The following TERT variants were observed in gnomAD, a reference collection of about 807,000 sequenced individuals.
TERT encodes the protein telomerase reverse transcriptase.
TERT carries 42 observed loss-of-function variants against 104.0 expected under a neutral mutation model. The ratio of observed to expected loss-of-function variants is 0.40; its 90% CI spans 0.32 to 0.52. The LOEUF (loss-of-function observed/expected upper bound fraction) is 0.52. Among genes scored for constraint, TERT ranks in the 20% least tolerant of loss-of-function variants. The pLI, the probability that TERT is intolerant of heterozygous loss-of-function variation, is 0.43. For synonymous variants in TERT, 781 were observed against 725.6 expected (o/e 1.08, Z -1.23); for missense variants, 1,101 against 1,610.3 (o/e 0.68, Z 5.41).
In TERT at chr5:1,268,464, G is replaced by A. The variant is rs1040679853; in HGVS notation, c.2582+56C>T. 1.0e-5 allele frequency: 13 copies of A among 1,284,960 alleles called. No homozygotes were observed. Among genetic ancestry groups the A allele is most frequent in the Non-Finnish European group, 1.3e-5 (12 of 889,782 alleles). The allele number at this position is 1,284,960 out of a possible 1,614,324, so 79.6% of individuals were successfully genotyped here. On this transcript the variant is annotated intron_variant, in intron 9 of 15. Transcript: ENST00000310581. This position sits in a 1 kb window ranked among gnomAD's most constrained non-coding sequence, Gnocchi z 5.5. ...AGCACCAGGAATATTAACACTGAAT[G>A]CATCAAAAGCAAATCAACCCCCACC...
chr5:1,264,321 G>A (rs1012754879), intron 11 of TERT, 83 bp downstream of exon 11: 14 of 1,441,914 alleles, frequency 9.7e-6, no homozygotes, highest in Middle Eastern at 2.2e-4. Flanking sequence ...TGCCCCACAC[G>A]GAAGCAGAGG....
In TERT at chr5:1,286,292, C is replaced by G. The variant is rs896718297; in HGVS notation, c.1574-3668G>C. On this transcript the variant is annotated intron_variant, in intron 2 of 15. Transcript: ENST00000310581. This position sits in a 1 kb window ranked among gnomAD's most constrained non-coding sequence, Gnocchi z 5.3. Reference sequence around the variant, plus strand: ...TAAAGCTGGGGTTTACCAGCAATAACAAGACAGAAGAACCACGCAAAGGAC... The same window carrying G: ...TAAAGCTGGGGTTTACCAGCAATAAGAAGACAGAAGAACCACGCAAAGGAC... Among the ~76,000 whole-genome samples, 1 of 152,198 alleles carries G rather than the reference C, an allele frequency of 6.6e-6. No homozygotes were observed. Among genetic ancestry groups the G allele is most frequent in the East Asian group, 1.9e-4 (1 of 5,200 alleles).
rs530721593 is a variant in TERT, at chr5:1,261,303, A to G, written c.2844-703T>C. ...AAACATTCTTCAAAAATTCTTTGAA[A>G]AATGTTTAATGGCAGAGCAAGTTTT... On this transcript the variant is annotated intron_variant, in intron 11 of 15. Transcript: ENST00000310581. This position sits in a 1 kb window ranked among gnomAD's most constrained non-coding sequence, Gnocchi z 7.4. Among the ~76,000 whole-genome samples the G allele has an allele frequency of 1.3e-5, 2 of 152,360 alleles. No homozygotes were observed. Among genetic ancestry groups the G allele is most frequent in the Admixed American group, 6.5e-5 (1 of 15,304 alleles).
In TERT at chr5:1,264,454, G is replaced by A. The variant is rs764925909; in HGVS notation, c.2793C>T (p.Cys931=). Residue 931 remains cysteine (C), a synonymous_variant, in exon 11 of 16, where the codon TGC becomes TGT. Coordinates refer to ENST00000310581, the MANE Select transcript of TERT (RefSeq NM_198253.3). ...QMPAHGLFPW[C]GLLLDTRTLE... ...GGGTCCGGGTATCCAGCAGCAGGCC[G>A]CACCAGGGGAATAGGCCGTGGGCCG... 34 of 1,613,588 alleles carry A rather than the reference G, an allele frequency of 2.1e-5. No individual in the cohort carries two copies. The highest frequency in any genetic ancestry group is 5.3e-5 in the African/African-American group (4 of 74,940).
chr5:1,261,427 C>T lies in TERT; in HGVS notation c.2844-827G>A, dbSNP rs1748219357. Among the ~76,000 whole-genome samples, 3 of 152,170 alleles carry T rather than the reference C, an allele frequency of 2.0e-5. No homozygotes were observed. The highest frequency in any genetic ancestry group is 2.4e-5 in the African/African-American group (1 of 41,444). ...AACACTGGAAATGGTAAATAAGACC[C>T]GTGATAATGTCTGGTCACTTCAGAA... On this transcript the variant is annotated intron_variant, in intron 11 of 15. Coordinates refer to ENST00000310581, the MANE Select transcript of TERT (RefSeq NM_198253.3). The surrounding 1 kb of genome is among the most constrained non-coding windows in gnomAD (Gnocchi z 7.4).
chr5:1,292,142 A>G lies in TERT; in HGVS notation c.1573+1171T>C, dbSNP rs1290208717. ...CCATAAAAAGAAAAAAAGAAAAAAA[A>G]GAGCCCCAAGAAGGTCACCCTCCTT... On this transcript the variant is annotated intron_variant, in intron 2 of 15. Coordinates refer to ENST00000310581, the MANE Select transcript of TERT (RefSeq NM_198253.3). This position sits in a 1 kb window ranked among gnomAD's most constrained non-coding sequence, Gnocchi z 5.5. Among the ~76,000 whole-genome samples the G allele has an allele frequency of 6.6e-6, 1 of 152,186 alleles. No individual in the cohort carries two copies. The highest frequency in any genetic ancestry group is 1.5e-5 in the Non-Finnish European group (1 of 68,026).
rs113055678 is a variant in TERT, at chr5:1,278,834, G to A, written c.2131-38C>T. On this transcript the variant is annotated intron_variant, in intron 5 of 15. Coordinates refer to ENST00000310581, the MANE Select transcript of TERT (RefSeq NM_198253.3). ...AGGCGAGGAGACTGACAGTGGCCAC[G>A]CAGAAACTCAGACATCACCTCTGCC... 8.6e-5 allele frequency: 139 copies of A among 1,612,900 alleles called. 1 individual carries two copies. In the African/African-American group the frequency reaches 1.4e-3, roughly 16 times the overall value.
At position 1,268,755 on chromosome 5, in the gene TERT, C is replaced by T. The variant is rs1188991203; in HGVS notation, c.2469-122G>A. 2.7e-5 allele frequency: 18 copies of T among 663,324 alleles called. No individual in the cohort carries two copies. The highest frequency in any genetic ancestry group is 1.4e-4 in the South Asian group (8 of 58,534). The allele number at this position is 663,324 out of a possible 1,614,324, so 41.1% of individuals were successfully genotyped here. ...ACAAACGACACGTCTACCATTCAGC[C>T]GGCAAACACCTCAGAAACATACCAG... On this transcript the variant is annotated intron_variant, in intron 8 of 15. Transcript: ENST00000310581. The surrounding 1 kb of genome is among the most constrained non-coding windows in gnomAD (Gnocchi z 5.5).
chr5:1,264,434 C>T lies in TERT; in HGVS notation c.2813G>A (p.Arg938Gln), dbSNP rs199741493. The T allele has an allele frequency of 1.7e-5, 28 of 1,613,398 alleles. No individual in the cohort carries two copies. The highest frequency in any genetic ancestry group is 1.6e-4 in the Middle Eastern group (1 of 6,062). The change falls in exon 11 of 16, where the codon CGG becomes CAG. Residue 938 changes from arginine (R) to glutamine (Q), a missense_variant. This residue lies in a region of TERT where 463 missense variants were observed against 797.5 expected (regional missense o/e 0.58). Coordinates refer to ENST00000310581, the MANE Select transcript of TERT (RefSeq NM_198253.3). Reference sequence around the variant, plus strand: ...GTAGTCGCTCTGCACCTCCAGGGTCCGGGTATCCAGCAGCAGGCCGCACCA... The same window carrying T: ...GTAGTCGCTCTGCACCTCCAGGGTCTGGGTATCCAGCAGCAGGCCGCACCA... ...FPWCGLLLDT[R>Q]TLEVQSDYSS...
At chr5:1,285,009 C>T (rs1461432852) in intron 2 of TERT, among the ~76,000 whole-genome samples, 21 of 127,144 alleles carry the variant, frequency 1.7e-4, no homozygotes, top group East Asian at 2.5e-4. Context: ...GGCGACCTCA[C>T]CCCGGACCTG....
intron 5 of TERT, 28 bp from the exon 6 acceptor site, chr5:1,278,824 C>G (rs1483306276): frequency 6.2e-7 from 1 of 1,613,408 alleles, no homozygotes; most frequent in African/African-American, 1.3e-5. Flanking sequence ...AGGAGACTGA[C>G]AGTGGCCACG....
At chr5:1,267,426 T>C (rs927718478) in intron 9 of TERT, among the ~76,000 whole-genome samples, 6 of 152,212 alleles carry the variant, frequency 3.9e-5, no homozygotes, top group Non-Finnish European at 8.8e-5. Context: ...GACAGTGTGG[T>C]GATTCCTCAA....
rs1484762973 is a variant in TERT at position 1,268,495 on chromosome 5, C to T, written c.2582+25G>A. On this transcript the variant is annotated intron_variant, in intron 9 of 15. Transcript: ENST00000310581. This position sits in a 1 kb window ranked among gnomAD's most constrained non-coding sequence, Gnocchi z 5.5. ...AAAGCAAATCAACCCCCACCCAAGC[C>T]CCCCTGGGGAAGAGGAGGCCTCACC... The T allele has an allele frequency of 1.3e-6, 2 of 1,590,840 alleles. No individual in the cohort carries two copies. The highest frequency in any genetic ancestry group is 4.5e-5 in the East Asian group (2 of 44,674).
chr5:1,285,565 A>ATTTTTTTT (rs1170336173), intron 2 of TERT, among the ~76,000 whole-genome samples: 2,842 of 82,144 alleles, frequency 0.035, 235 homozygotes, highest in Non-Finnish European at 0.043. Context: ...GGCTACTAGA[A>ATTTTTTTT]TTTTTTTTTT....
At chr5:1,281,719 C>G (rs1012166034) in intron 3 of TERT, among the ~76,000 whole-genome samples, 3 of 152,168 alleles carry the variant, frequency 2.0e-5, no homozygotes, top group Non-Finnish European at 4.4e-5. Flanking sequence ...CAGTGAGTCG[C>G]CAAGTGGGTG....
chr5:1,283,937 A>ACCT (rs1750263173), intron 2 of TERT, among the ~76,000 whole-genome samples: 1 of 116,608 alleles, frequency 8.6e-6, no homozygotes, highest in African/African-American at 3.4e-5. Flanking sequence ...ACACTGCACA[A>ACCT]CCAGCTCACC....
rs1360753534 is a variant in TERT, at chr5:1,286,922, C to T, written c.1574-4298G>A. 6.6e-6 allele frequency among the ~76,000 whole-genome samples: 1 copy of T among 151,952 alleles called. No individual in the cohort carries two copies. Among genetic ancestry groups the T allele is most frequent in the Non-Finnish European group, 1.5e-5 (1 of 67,992 alleles). Reference sequence around the variant, plus strand: ...ACAATAAAAAGATCAGGGGGTAACACTAAGCAAAGAGAAATAAAAGCAAAT... The same window carrying T: ...ACAATAAAAAGATCAGGGGGTAACATTAAGCAAAGAGAAATAAAAGCAAAT... On this transcript the variant is annotated intron_variant, in intron 2 of 15. Coordinates refer to ENST00000310581, the MANE Select transcript of TERT (RefSeq NM_198253.3). The surrounding 1 kb of genome is among the most constrained non-coding windows in gnomAD (Gnocchi z 5.3).
In TERT at chr5:1,282,468, C is replaced by G; in HGVS notation, c.1730G>C (p.Arg577Pro). 6.2e-7 allele frequency: 1 copy of G among 1,614,142 alleles called. No homozygotes were observed. The highest frequency in any genetic ancestry group is 8.5e-7 in the Non-Finnish European group (1 of 1,180,032). The change falls in exon 3 of 16, where the codon CGG becomes CCG. Residue 577 changes from arginine to proline, a missense_variant. Transcript: ENST00000310581. The stretch of plus-strand genomic sequence containing the variant: ...TTGCAACTTGCTCCAGACACTCTTC[C>G]GGTAGAAAAAGAGCCTGTTCTTTTG... ...TFQKNRLFFY[R>P]KSVWSKLQSI...
chr5:1,272,120 T>C, intron 7 of TERT, 65 bp downstream of exon 7: 1 of 1,309,058 alleles, frequency 7.6e-7, no homozygotes, highest in Non-Finnish European at 1.1e-6. Context: ...ATGAGCCCAG[T>C]GATTGCCCAG....
Sources: gnomAD v4.1 joint callset for allele counts (sites outside exome capture counted in the v4.1 genomes callset) on GRCh38, gnomAD v4.1.1 for gene constraint, gnomAD v4.1.1 regional missense constraint, Gnocchi (gnomAD v3.1) non-coding constraint, MANE v1.5 for transcripts, NCBI Gene and HGNC (gene_info 2026-07-23, HGNC 2026-07-21) for gene names.